CDK12: variants seen among roughly 807,000 people sequenced by gnomAD.
CDK12 encodes the protein cyclin-dependent kinase 12.
Under a neutral mutation model 133.8 loss-of-function variants are expected in CDK12, and 17 were observed. The ratio of observed to expected loss-of-function variants is 0.13; its 90% CI spans 0.09 to 0.19. The LOEUF is 0.19. Among genes scored for constraint, CDK12 ranks in the 10% least tolerant of loss-of-function variants. The pLI is 1.00. For synonymous variants in CDK12, 694 were observed against 683.6 expected, an observed-to-expected ratio of 1.02 and a Z score of -0.24; for missense variants, 1,508 against 1,818.7, an observed-to-expected ratio of 0.83 and a Z score of 3.11.
intron 2 of CDK12, among the ~76,000 whole-genome samples, chr17:39,481,240 C>T (rs1466182097): frequency 8.1e-5 from 11 of 136,468 alleles, no homozygotes; most frequent in African/African-American, 2.7e-4. Context: ...GCAACAAGAG[C>T]GAAACTCCGT....
chr17:39,519,881 C>A, intron 10 of CDK12, 75 bp from the exon 11 acceptor site: 1 of 1,570,470 alleles, frequency 6.4e-7, no homozygotes, highest in Non-Finnish European at 8.7e-7. Context: ...GGTGTGAGAC[C>A]CTTTGAAACA....
At chr17:39,537,855 C>T (rs1305193501), downstream of CDK12, among the ~76,000 whole-genome samples, 1 of 152,028 alleles carries the variant, frequency 6.6e-6, no homozygotes, top group African/African-American at 2.4e-5. Context: ...AGCCACCGCG[C>T]CCAGCTTGGA....
intron 6 of CDK12, among the ~76,000 whole-genome samples, chr17:39,505,718 C>A (rs2053072628): frequency 6.6e-6 from 1 of 152,148 alleles, no homozygotes; most frequent in Non-Finnish European, 1.5e-5. Flanking sequence ...CACTTATACA[C>A]AGATTTTATC....
At chr17:39,489,989 A>T (rs1234627576) in intron 2 of CDK12, among the ~76,000 whole-genome samples, 1 of 151,714 alleles carries the variant, frequency 6.6e-6, no homozygotes, top group Non-Finnish European at 1.5e-5. Context: ...TAGGAACGAT[A>T]TATTAAGAGT....
At chr17:39,476,761 C>T (rs1444835372) in intron 2 of CDK12, among the ~76,000 whole-genome samples, 3 of 92,478 alleles carry the variant, frequency 3.2e-5, no homozygotes, top group African/African-American at 4.3e-5. Flanking sequence ...TCTGCTCTGT[C>T]GCCCAGGCTG....
At position 39,524,882 on chromosome 17, in the gene CDK12, A is replaced by G. The variant is rs1342774957; in HGVS notation, c.3304A>G (p.Ile1102Val). The change falls in exon 12 of 14, where the codon ATA (isoleucine) becomes GTA (valine). Residue 1102 changes from isoleucine (I) to valine (V), a missense_variant. This residue lies in a region of CDK12 where 399 missense variants were observed against 469.6 expected (regional missense o/e 0.85). Transcript: ENST00000447079. The part of the protein sequence containing the change: ...GKVESGAGDA[I>V]GLADITQQLN... The stretch of plus-strand genomic sequence containing the variant: ...GGTGGAGTCTGGGGCTGGGGATGCA[A>G]TAGGTCAGTGCCAGAATGGGGCCTT... 4 of 1,611,908 alleles carry G rather than the reference A, an allele frequency of 2.5e-6. No individual in the cohort carries two copies. The highest frequency in any genetic ancestry group is 3.3e-5 in the Admixed American group (2 of 59,760).
At chr17:39,516,033 C>T (rs188163458) in intron 9 of CDK12, among the ~76,000 whole-genome samples, 135 of 152,284 alleles carry the variant, frequency 8.9e-4, no homozygotes, top group African/African-American at 3.0e-3. Flanking sequence ...TTTATTAGCT[C>T]TTCATATAAA....
intron 3 of CDK12, among the ~76,000 whole-genome samples, chr17:39,564,085 G>A (rs997021825): frequency 2.0e-5 from 3 of 152,146 alleles, no homozygotes; most frequent in African/African-American, 7.2e-5. Flanking sequence ...GTTTACATCT[G>A]ATGCCACCAT....
intron 1 of CDK12, among the ~76,000 whole-genome samples, chr17:39,466,657 C>CAAAAAAAAAA (rs2049342853): frequency 1.7e-5 from 1 of 58,976 alleles, no homozygotes. Context: ...AAAAAAAAAG[C>CAAAAAAAAAA]AGATGAATCT....
At chr17:39,544,539 G>A (rs944472172), upstream of CDK12, among the ~76,000 whole-genome samples, 62 of 150,654 alleles carry the variant, frequency 4.1e-4, no homozygotes, top group African/African-American at 1.4e-3. Context: ...GTGCAGTGGC[G>A]CAATCTCAGC....
chr17:39,495,812 A>T (rs973219438), intron 5 of CDK12, among the ~76,000 whole-genome samples: 4 of 151,324 alleles, frequency 2.6e-5, no homozygotes, highest in African/African-American at 9.7e-5. Context: ...AAAAAAAAAG[A>T]TGGTAGTAAT....
chr17:39,530,441 A>C, intron 13 of CDK12, 163 bp from the exon 14 acceptor site: 1 of 988,078 alleles, frequency 1.0e-6, no homozygotes, highest in Admixed American at 3.0e-5. Flanking sequence ...ACTTTTAATC[A>C]CTTGATTTAT....
intron 4 of CDK12, 95 bp downstream of exon 4, chr17:39,492,985 T>TTCTG: frequency 3.6e-6 from 4 of 1,102,746 alleles, no homozygotes; most frequent in Non-Finnish European, 5.1e-6. Flanking sequence ...TTCTGAGGTG[T>TTCTG]TTTGTTTGTT....
intron 3 of CDK12, among the ~76,000 whole-genome samples, chr17:39,492,448 C>T (rs575580067): frequency 6.8e-6 from 1 of 148,074 alleles, no homozygotes; most frequent in Non-Finnish European, 1.5e-5. Flanking sequence ...TGCTCTGTCG[C>T]CCAGGCTGGA....
intron 2 of CDK12, among the ~76,000 whole-genome samples, chr17:39,552,007 A>G (rs2055973455): frequency 6.6e-6 from 1 of 152,044 alleles, no homozygotes; most frequent in Non-Finnish European, 1.5e-5. Context: ...CAGGCCCCCA[A>G]CACCCTTCCC....
At chr17:39,540,608 G>A (rs1264413467) in intron 1 of CDK12, among the ~76,000 whole-genome samples, 5 of 152,224 alleles carry the variant, frequency 3.3e-5, no homozygotes, top group Admixed American at 6.5e-5. Context: ...GGCAGCATGT[G>A]CCTGTGGATG....
In CDK12 at chr17:39,476,718, T is replaced by A. The variant is rs1183359964; in HGVS notation, c.1931+4955T>A. Among the ~76,000 whole-genome samples the A allele has an allele frequency of 7.0e-3, 749 of 107,592 alleles. 110 individuals carry two copies. Among genetic ancestry groups the A allele is most frequent in the South Asian group, 0.035 (100 of 2,850 alleles). 70.6% of individuals were successfully genotyped at this position (107,592 alleles called of 152,430 possible). Reference sequence around the variant, plus strand: ...ATGAGCCACCATGCCTGCCTTTTTTTTTTTTTTTTTTTTTTTTTTTTTGAG... The same window carrying A: ...ATGAGCCACCATGCCTGCCTTTTTTATTTTTTTTTTTTTTTTTTTTTTGAG... On this transcript the variant is annotated intron_variant, in intron 2 of 13. Transcript: ENST00000447079.
chr17:39,500,686 G>A (rs1432841092), intron 5 of CDK12, among the ~76,000 whole-genome samples: 1 of 152,068 alleles, frequency 6.6e-6, no homozygotes, highest in African/African-American at 2.4e-5. Context: ...CCATGAAGAG[G>A]TGAGTAGTCC....
chr17:39,540,970 C>T (rs2055382901), intron 1 of CDK12, among the ~76,000 whole-genome samples: 1 of 152,196 alleles, frequency 6.6e-6, no homozygotes, highest in South Asian at 2.1e-4. Flanking sequence ...CCAAGTAGCT[C>T]CTGTCTCACT....
Sources: allele counts gnomAD v4.1 joint callset (sites outside exome capture counted in the v4.1 genomes callset), GRCh38; gene constraint gnomAD v4.1.1; regional missense constraint gnomAD v4.1.1; transcripts MANE v1.5; gene names NCBI Gene and HGNC (gene_info 2026-07-23, HGNC 2026-07-21).